Variants in NCF4 observed in about 807,000 individuals in gnomAD.
NCF4 encodes the protein neutrophil cytosolic factor 4, also known as neutrophil cytosol factor 4.
In NCF4, 30 loss-of-function variants were observed where a neutral mutation model predicts 41.7. The ratio of observed to expected loss-of-function variants is 0.72; its 90% CI spans 0.54 to 0.97. The LOEUF is 0.97. Among genes scored for constraint, NCF4 ranks in the 50% least tolerant of loss-of-function variants. The probability of loss-of-function intolerance (pLI) is 0.00; values close to 1 mark genes in which losing one functional copy is unlikely to be tolerated. For missense variants in NCF4, 432 were observed against 460.9 expected (o/e 0.94, Z 0.57); for synonymous variants, 195 against 175.8 (o/e 1.11, Z -0.87).
intron 6 of NCF4, among the ~76,000 whole-genome samples, chr22:36,871,974 CCT>C (rs1297185592): frequency 6.6e-6 from 1 of 152,264 alleles, no homozygotes; most frequent in East Asian, 1.9e-4. Flanking sequence ...ACCTGGGCCT[CCT>C]CTGAGTCAGC....
intron 7 of NCF4, among the ~76,000 whole-genome samples, chr22:36,873,407 T>G (rs1940127255): frequency 4.7e-5 from 7 of 149,584 alleles, no homozygotes; most frequent in Admixed American, 4.7e-4. Flanking sequence ...AAGGTTAGGC[T>G]GAGATTAGAG....
chr22:36,869,997 G>A (rs990890030), intron 4 of NCF4: 8 of 290,430 alleles, frequency 2.8e-5, no homozygotes, highest in African/African-American at 1.5e-4. Context: ...TCTGTCCCTT[G>A]CTAGGCTTTG....
rs1939762217 is a variant in NCF4, at chr22:36,861,035, C to T, written c.-137C>T. 8.2e-7 allele frequency: 1 copy of T among 1,214,884 alleles called. No homozygotes were observed. Among genetic ancestry groups the T allele is most frequent in the Non-Finnish European group, 1.2e-6 (1 of 841,822 alleles). The allele number at this position is 1,214,884 out of a possible 1,614,324, so 75.3% of individuals were successfully genotyped here. A position where few individuals can be genotyped will look rare whatever the true frequency, so the allele number is the denominator to read the frequency against. On this transcript the variant is annotated 5_prime_UTR_variant, in exon 1 of 10. Transcript: ENST00000248899. The stretch of plus-strand genomic sequence containing the variant: ...TGGAGAGAAGCAGGCCTGAGCCTCC[C>T]CAAAGGCAGCTCCTGGGGACTCCCA...
chr22:36,875,767 A>G lies in NCF4; in HGVS notation c.742A>G (p.Thr248Ala), dbSNP rs753271883. The change falls in exon 8 of 10, where the codon ACC becomes GCC. Residue 248 changes from threonine to alanine, a missense_variant. Thr to Ala is a moderately conservative substitution (Grantham distance 58). Coordinates refer to ENST00000248899, the MANE Select transcript of NCF4 (RefSeq NM_000631.5). Reference sequence around the variant, plus strand: ...GCTGCGTTGCTACTACTACGAAGACACCATCAGCACCATCAAGTCTGTGGC... The same window carrying G: ...GCTGCGTTGCTACTACTACGAAGACGCCATCAGCACCATCAAGTCTGTGGC... ...NWLRCYYYED[T>A]ISTIKDIAVE... The G allele has an allele frequency of 2.5e-6, 4 of 1,613,968 alleles. No homozygotes were observed. In the East Asian group the frequency reaches 8.9e-5, roughly 36 times the overall value.
intron 7 of NCF4, among the ~76,000 whole-genome samples, chr22:36,873,037 G>T (rs1940114411): frequency 6.7e-6 from 1 of 149,246 alleles, no homozygotes; most frequent in African/African-American, 2.5e-5. Flanking sequence ...TGAGATTGGA[G>T]GTGAGGATGG....
intron 9 of NCF4, among the ~76,000 whole-genome samples, chr22:36,877,103 G>C (rs539587074): frequency 6.6e-6 from 1 of 151,590 alleles, no homozygotes; most frequent in East Asian, 1.9e-4. Context: ...GACATTTCAG[G>C]CTGTGCCACT....
rs932330052 is a variant in NCF4 at position 36,864,965 on chromosome 22, T to C, written c.164T>C (p.Ile55Thr). The change falls in exon 3 of 10, where the codon ATC becomes ACC. Residue 55 changes from isoleucine (I) to threonine (T), a missense_variant. Transcript: ENST00000248899. ...ACAAAAGGAGGATCCAAGTACCTCA[T>C]CTACCGCCGCTACCGCCAGTTCCAT... ...VKTKGGSKYL[I>T]YRRYRQFHAL... 3 of 1,613,950 alleles carry C rather than the reference T, an allele frequency of 1.9e-6. No individual in the cohort carries two copies. The highest frequency in any genetic ancestry group is 1.3e-5 in the African/African-American group (1 of 74,886).
chr22:36,876,193 T>A, intron 9 of NCF4, 99 bp downstream of exon 9: 1 of 1,231,892 alleles, frequency 8.1e-7, no homozygotes, highest in South Asian at 1.6e-5. Context: ...GGGTTTTGCG[T>A]GTACTTTGTC....
At position 36,875,777 on chromosome 22, in the gene NCF4, C is replaced by T. The variant is rs781298815; in HGVS notation, c.752C>T (p.Thr251Ile). The stretch of plus-strand genomic sequence containing the variant: ...TACTACTACGAAGACACCATCAGCA[C>T]CATCAAGTCTGTGGCCTGGGAGGGA... ...RCYYYEDTIS[T>I]IKDIAVEEDL... is the part of the protein sequence containing the mutation. The change falls in exon 8 of 10, where the codon ACC becomes ATC. Residue 251 changes from threonine to isoleucine, a missense_variant. Physicochemically the swap from Thr to Ile is moderately conservative, Grantham distance 89. Transcript: ENST00000248899. The T allele has an allele frequency of 1.2e-6, 2 of 1,614,166 alleles. No homozygotes were observed. Among genetic ancestry groups the T allele is most frequent in the African/African-American group, 2.7e-5 (2 of 75,054 alleles).
At position 36,865,037 on chromosome 22, in the gene NCF4, G is replaced by A. The variant is rs1569110898; in HGVS notation, c.236G>A (p.Ser79Asn). 2 of 1,613,192 alleles carry A rather than the reference G, an allele frequency of 1.2e-6. No individual in the cohort carries two copies. The highest frequency in any genetic ancestry group is 1.7e-6 in the Non-Finnish European group (2 of 1,180,024). The change falls in exon 3 of 10, where the codon AGC becomes AAC. Residue 79 changes from serine to asparagine, a missense_variant. Coordinates refer to ENST00000248899, the MANE Select transcript of NCF4 (RefSeq NM_000631.5). This position sits in a 1 kb window ranked among gnomAD's most constrained non-coding sequence, Gnocchi z 4.3. ...LEERFGPDSK[S>N]SALACTLPTL... ...GAGCGCTTCGGGCCAGACAGCAAGA[G>A]CAGTGCCCTGGCCTGTACCCTGCCC...
At chr22:36,874,515 T>C (rs1460661484) in intron 7 of NCF4, among the ~76,000 whole-genome samples, 1 of 152,170 alleles carries the variant, frequency 6.6e-6, no homozygotes, top group Non-Finnish European at 1.5e-5. Context: ...TCAGGGCTCT[T>C]ACAGAGGCCT....
chr22:36,869,606 G>A (rs1940004934), intron 4 of NCF4, among the ~76,000 whole-genome samples: 2 of 151,980 alleles, frequency 1.3e-5, no homozygotes, highest in Admixed American at 6.6e-5. Flanking sequence ...AGCACCCAAA[G>A]CCAACCCTCA....
chr22:36,862,789 A>G (rs1000679519), intron 1 of NCF4, among the ~76,000 whole-genome samples: 1 of 152,216 alleles, frequency 6.6e-6, no homozygotes, highest in Non-Finnish European at 1.5e-5. Context: ...AAGGTGAGAC[A>G]TCCAAAGATG....
intron 6 of NCF4, chr22:36,872,109 A>G (rs1940071527): frequency 1.4e-6 from 1 of 710,106 alleles, no homozygotes; most frequent in African/African-American, 1.8e-5. Flanking sequence ...GCTCACCCCC[A>G]CCAGGTTTGG....
At position 36,865,157 on chromosome 22, in the gene NCF4, C is replaced by G; in HGVS notation, c.271+85C>G. On this transcript the variant is annotated intron_variant, in intron 3 of 9. Transcript: ENST00000248899. This position sits in a 1 kb window ranked among gnomAD's most constrained non-coding sequence, Gnocchi z 4.3. ...CCCTGACACTGTTCTGTGATTTGAT[C>G]TCAACCCCAGTGAAAACTGTTCATG... The G allele has an allele frequency of 6.4e-7, 1 of 1,564,110 alleles. No individual in the cohort carries two copies. Among genetic ancestry groups the G allele is most frequent in the Non-Finnish European group, 8.7e-7 (1 of 1,152,466 alleles).
At chr22:36,863,919 A>C in intron 1 of NCF4, 126 bp from the exon 2 acceptor site, 1 of 875,236 alleles carries the variant, frequency 1.1e-6, no homozygotes. Flanking sequence ...TGGCCTGGGA[A>C]GGGGTGCTGA....
At chr22:36,871,785 C>G in intron 6 of NCF4, 76 bp downstream of exon 6, 1 of 1,473,452 alleles carries the variant, frequency 6.8e-7, no homozygotes, top group Non-Finnish European at 9.3e-7. Flanking sequence ...GCCACTGGGC[C>G]TCTCCTGCTG....
chr22:36,872,289 G>A, intron 6 of NCF4, 38 bp from the exon 7 acceptor site: 3 of 1,449,694 alleles, frequency 2.1e-6, no homozygotes, highest in Admixed American at 1.7e-5. Context: ...CTCAGTGAGT[G>A]TTCTCTCCTT....
intron 1 of NCF4, among the ~76,000 whole-genome samples, chr22:36,863,120 G>T (rs1601545360): frequency 1.3e-5 from 2 of 152,260 alleles, no homozygotes; most frequent in African/African-American, 4.8e-5. Flanking sequence ...TTCTCATGCT[G>T]CCCATCAAAA....
Sources: gnomAD v4.1 joint callset for allele counts (sites outside exome capture counted in the v4.1 genomes callset) on GRCh38, gnomAD v4.1.1 for gene constraint, Gnocchi (gnomAD v3.1) non-coding constraint, MANE v1.5 for transcripts, NCBI Gene and HGNC (gene_info 2026-07-23, HGNC 2026-07-21) for gene names.